RGS13: variants seen among roughly 807,000 people sequenced by gnomAD.
RGS13 encodes the protein regulator of G protein signaling 13.
A neutral mutation model predicts 19.9 loss-of-function variants in RGS13; 14 were observed. The ratio of observed to expected loss-of-function variants is 0.70; its 90% confidence interval spans 0.46 to 1.10. The LOEUF is 1.10. RGS13 is among the 50% of genes least tolerant of loss of function. The pLI is 0.00. For synonymous variants in RGS13, 60 were observed against 56.8 expected, an observed-to-expected ratio of 1.06 and a Z score of -0.25; for missense variants, 205 against 187.1, an observed-to-expected ratio of 1.10 and a Z score of -0.56.
At position 192,660,279 on chromosome 1, in the gene RGS13, C is replaced by T. The variant is rs1038236168; in HGVS notation, c.*756C>T. The T allele has an allele frequency of 6.6e-6, 1 of 152,034 alleles. No homozygotes were observed. 9.4% of individuals were successfully genotyped at this position (152,034 alleles called of 1,614,324 possible). A position where few individuals can be genotyped will look rare whatever the true frequency, so the allele number is the denominator to read the frequency against. ...AACTAAAGACTTACATTATCTTTCTCAAAGACAAAATAAATATATTTTCCA... is the reference window on the plus strand; with the variant it reads ...AACTAAAGACTTACATTATCTTTCTTAAAGACAAAATAAATATATTTTCCA... On this transcript the variant is annotated 3_prime_UTR_variant, in exon 7 of 7. Transcript: ENST00000391995.
intron 4 of RGS13, chr1:192,646,291 C>T (rs1047805588): frequency 3.3e-5 from 5 of 152,050 alleles, no homozygotes; most frequent in Non-Finnish European, 2.9e-5. Flanking sequence ...ACTAATCCTC[C>T]TTCATTGTGT....
At chr1:192,649,630 T>C (rs1031380393) in intron 5 of RGS13, among the ~76,000 whole-genome samples, 5 of 152,076 alleles carry the variant, frequency 3.3e-5, no homozygotes, top group African/African-American at 4.8e-5. Context: ...CCCAAAACAT[T>C]TTCTAAAATT....
chr1:192,651,156 C>T (rs185269589), intron 5 of RGS13, among the ~76,000 whole-genome samples: 87 of 152,008 alleles, frequency 5.7e-4, no homozygotes, highest in African/African-American at 1.9e-3. Context: ...GTAAGAATGA[C>T]GAAAATAGTG....
rs1663582256 is a variant in RGS13 at position 192,659,864 on chromosome 1, T to G, written c.*341T>G. 1 of 191,500 alleles carries G rather than the reference T, an allele frequency of 5.2e-6. No individual in the cohort carries two copies. The highest frequency in any genetic ancestry group is 1.5e-4 in the East Asian group (1 of 6,484). 11.9% of individuals were successfully genotyped at this position (191,500 alleles called of 1,614,324 possible). ...AAATTTTGTGTCATAATTTACAAAT[T>G]AGTTCTTTAAAAATTGTTGTTATAT... On this transcript the variant is annotated 3_prime_UTR_variant, in exon 7 of 7. Transcript: ENST00000391995.
chr1:192,657,620 T>C (rs1441147855), intron 5 of RGS13, among the ~76,000 whole-genome samples: 1 of 152,158 alleles, frequency 6.6e-6, no homozygotes, highest in Non-Finnish European at 1.5e-5. Flanking sequence ...CCTTGTCTGG[T>C]CCCTTATTTC....
chr1:192,653,665 A>C (rs1393637224), intron 5 of RGS13, among the ~76,000 whole-genome samples: 1 of 152,106 alleles, frequency 6.6e-6, no homozygotes, highest in Non-Finnish European at 1.5e-5. Flanking sequence ...AGTGTTCCCT[A>C]TGTGCTATTA....
chr1:192,644,423 G>A (rs1248260922), intron 4 of RGS13, 24 bp downstream of exon 4: 3 of 1,521,222 alleles, frequency 2.0e-6, no homozygotes, highest in Admixed American at 3.4e-5. Flanking sequence ...AAGTTTCTAT[G>A]GTAATTGTAA....
At chr1:192,645,468 G>T (rs1261686947) in intron 4 of RGS13, 2 of 152,104 alleles carry the variant, frequency 1.3e-5, no homozygotes, top group African/African-American at 4.8e-5. Context: ...AATAAAATTG[G>T]GGTTTGAAGA....
At chr1:192,652,727 C>T (rs4601565) in intron 5 of RGS13, among the ~76,000 whole-genome samples, 76,048 of 151,836 alleles carry the variant, frequency 0.5, 21,778 homozygotes, top group African/African-American at 0.79. Flanking sequence ...TCAAGAGCCA[C>T]AGAGAGTCAT....
At chr1:192,652,454 C>T (rs1312877867) in intron 5 of RGS13, among the ~76,000 whole-genome samples, 3 of 152,010 alleles carry the variant, frequency 2.0e-5, no homozygotes, top group Non-Finnish European at 4.4e-5. Context: ...CCATGGCTCC[C>T]TTCATCAACC....
chr1:192,642,554 T>C (rs996844859), intron 3 of RGS13, among the ~76,000 whole-genome samples: 3 of 152,084 alleles, frequency 2.0e-5, no homozygotes, highest in Non-Finnish European at 2.9e-5. Flanking sequence ...CTCAAACTCC[T>C]GGGCTCAAGA....
At chr1:192,643,768 G>A (rs1217826257) in intron 3 of RGS13, among the ~76,000 whole-genome samples, 1 of 152,020 alleles carries the variant, frequency 6.6e-6, no homozygotes, top group South Asian at 2.1e-4. Context: ...TGGGCAATGT[G>A]GTGAAACCCC....
chr1:192,644,544 G>A (rs1363769256), intron 4 of RGS13, 145 bp downstream of exon 4: 1 of 626,540 alleles, frequency 1.6e-6, no homozygotes, highest in Non-Finnish European at 2.9e-6. Flanking sequence ...CATCAGAAGA[G>A]CAGTCATATG....
At chr1:192,641,307 A>G (rs998464539) in intron 3 of RGS13, among the ~76,000 whole-genome samples, 8 of 55,444 alleles carry the variant, frequency 1.4e-4, no homozygotes, top group Non-Finnish European at 1.7e-4. Flanking sequence ...AGAAAGAAAG[A>G]AAAGAAAGAA....
At chr1:192,652,951 G>A (rs370926293) in intron 5 of RGS13, among the ~76,000 whole-genome samples, 2 of 152,162 alleles carry the variant, frequency 1.3e-5, no homozygotes, top group East Asian at 1.9e-4. Flanking sequence ...GGGAAATGTT[G>A]AGGGGGATAA....
intron 5 of RGS13, among the ~76,000 whole-genome samples, chr1:192,651,323 A>T (rs4517332): frequency 2.9e-3 from 438 of 152,132 alleles, no homozygotes; most frequent in African/African-American, 9.4e-3. Flanking sequence ...TTTCATGGGT[A>T]TGGTGGAGAT....
At position 192,659,554 on chromosome 1, in the gene RGS13, T is replaced by C. The variant is rs1284285758; in HGVS notation, c.*31T>C. On this transcript the variant is annotated 3_prime_UTR_variant, in exon 7 of 7. Transcript: ENST00000391995. ...ACTCAAAAGTTTAAATAGAAAACAG[T>C]ATATTGAAAGTGGTGGGTTTGATCT... is the stretch of plus-strand genomic sequence containing the variant. The C allele has an allele frequency of 4.0e-6, 6 of 1,507,318 alleles. No homozygotes were observed. The highest frequency in any genetic ancestry group is 3.6e-6 in the Non-Finnish European group (4 of 1,102,254). 93.4% of individuals were successfully genotyped at this position (1,507,318 alleles called of 1,614,324 possible). A position where few individuals can be genotyped will look rare whatever the true frequency, so the allele number is the denominator to read the frequency against.
intron 5 of RGS13, among the ~76,000 whole-genome samples, chr1:192,657,201 C>T (rs548121933): frequency 6.6e-6 from 1 of 151,972 alleles, no homozygotes; most frequent in Non-Finnish European, 1.5e-5. Context: ...TGTGCCTACA[C>T]AAACATTTCT....
intron 5 of RGS13, among the ~76,000 whole-genome samples, chr1:192,651,722 C>G (rs182297033): frequency 6.6e-6 from 1 of 151,978 alleles, no homozygotes; most frequent in African/African-American, 2.4e-5. Context: ...GATGGAAGTA[C>G]TCTGGTTATT....
Sources: allele counts gnomAD v4.1 joint callset (sites outside exome capture counted in the v4.1 genomes callset), GRCh38; gene constraint gnomAD v4.1.1; transcripts MANE v1.5; gene names NCBI Gene and HGNC (gene_info 2026-07-23, HGNC 2026-07-21).